The following KAT2B variants were observed in gnomAD, a reference collection of about 807,000 sequenced individuals.
The protein encoded by KAT2B is histone acetyltransferase KAT2B.
Under a neutral mutation model 105.9 loss-of-function variants are expected in KAT2B, and 36 were observed. The ratio of observed to expected loss-of-function variants is 0.34; its 90% CI spans 0.26 to 0.45. KAT2B has a LOEUF of 0.45. Ranked by LOEUF, KAT2B falls within the 20% of genes least tolerant of loss-of-function variation. The pLI is 1.00. For synonymous variants in KAT2B, 397 were observed against 377.9 expected, an observed-to-expected ratio of 1.05 and a Z score of -0.59; for missense variants, 820 against 1,021.6, an observed-to-expected ratio of 0.80 and a Z score of 2.69.
At chr3:20,146,843 C>T (rs1011002397) in intron 14 of KAT2B, among the ~76,000 whole-genome samples, 8 of 152,162 alleles carry the variant, frequency 5.3e-5, no homozygotes, top group South Asian at 2.1e-4. Flanking sequence ...TTCTGATGGC[C>T]GAACACCTTA....
chr3:20,082,719 G>A (rs910436572), intron 2 of KAT2B, among the ~76,000 whole-genome samples: 2 of 152,250 alleles, frequency 1.3e-5, no homozygotes, highest in South Asian at 4.1e-4. Context: ...AACTGCCAAC[G>A]TAGATATGGC....
rs376968297 is a variant in KAT2B at position 20,140,294 on chromosome 3, T to C, written c.1934T>C (p.Leu645Ser). The C allele has an allele frequency of 3.7e-6, 6 of 1,612,584 alleles. No homozygotes were observed. In the African/African-American group the frequency reaches 5.3e-5, roughly 14 times the overall value. The change falls in exon 13 of 18, where the codon TTA (leucine) becomes TCA (serine). Residue 645 changes from leucine (L) to serine (S), a missense_variant. Transcript: ENST00000263754. The part of the protein sequence containing the change: ...GYIKDYEGAT[L>S]MGCELNPRIP... ...ATCAAGGATTATGAAGGAGCCACTT[T>C]AATGGGATGTGAGCTAAATCCACGG...
At chr3:20,066,222 C>T (rs1355237899) in intron 1 of KAT2B, among the ~76,000 whole-genome samples, 3 of 152,066 alleles carry the variant, frequency 2.0e-5, no homozygotes, top group African/African-American at 7.2e-5. Flanking sequence ...TTCACTTGGC[C>T]TTCTTTACTG....
At chr3:20,117,020 TG>T (rs1699218475) in intron 7 of KAT2B, among the ~76,000 whole-genome samples, 1 of 152,164 alleles carries the variant, frequency 6.6e-6, no homozygotes, top group Non-Finnish European at 1.5e-5. Flanking sequence ...CCTCAGGCAG[TG>T]GGGGACCAAA....
intron 11 of KAT2B, among the ~76,000 whole-genome samples, chr3:20,130,729 CA>C (rs1469336903): frequency 6.6e-6 from 1 of 152,128 alleles, no homozygotes; most frequent in African/African-American, 2.4e-5. Context: ...GGTGGCCAAG[CA>C]TCACAAACTC....
chr3:20,112,279 C>T (rs1699135863), intron 6 of KAT2B, among the ~76,000 whole-genome samples: 1 of 151,568 alleles, frequency 6.6e-6, no homozygotes, highest in African/African-American at 2.4e-5. Context: ...ACTGCAAAAG[C>T]AGGGATGAAG....
chr3:20,082,353 C>A (rs1013728356), intron 2 of KAT2B, among the ~76,000 whole-genome samples: 4 of 152,082 alleles, frequency 2.6e-5, no homozygotes, highest in African/African-American at 7.2e-5. Flanking sequence ...CTCTTAATAA[C>A]CTCAGTTCAA....
At chr3:20,134,049 C>G (rs1699558178) in intron 11 of KAT2B, among the ~76,000 whole-genome samples, 1 of 151,834 alleles carries the variant, frequency 6.6e-6, no homozygotes, top group Non-Finnish European at 1.5e-5. Context: ...TGTCATTTGT[C>G]TTTTGTTTAT....
chr3:20,082,998 G>A (rs1393046881), intron 2 of KAT2B, among the ~76,000 whole-genome samples: 1 of 152,144 alleles, frequency 6.6e-6, no homozygotes, highest in African/African-American at 2.4e-5. Flanking sequence ...AAAACAGTAG[G>A]GGGTGCTTAT....
chr3:20,113,900 A>G (rs1188372450), intron 6 of KAT2B, among the ~76,000 whole-genome samples: 1 of 151,082 alleles, frequency 6.6e-6, no homozygotes, highest in Non-Finnish European at 1.5e-5. Context: ...TTGTGTATCT[A>G]TATTTCATTC....
At chr3:20,054,592 C>A (rs1018679280) in intron 1 of KAT2B, among the ~76,000 whole-genome samples, 1 of 152,168 alleles carries the variant, frequency 6.6e-6, no homozygotes, top group Non-Finnish European at 1.5e-5. Flanking sequence ...AGTCCCCATG[C>A]GTTGTGTACT....
At chr3:20,072,096 C>T (rs550193914) in intron 1 of KAT2B, among the ~76,000 whole-genome samples, 3 of 152,222 alleles carry the variant, frequency 2.0e-5, no homozygotes, top group Admixed American at 1.3e-4. Flanking sequence ...GGGTCAGCTG[C>T]GTGAGCTGTA....
At chr3:20,086,717 G>A (rs1343206879) in intron 2 of KAT2B, among the ~76,000 whole-genome samples, 2 of 152,152 alleles carry the variant, frequency 1.3e-5, no homozygotes, top group Non-Finnish European at 2.9e-5. Flanking sequence ...TGAAAGGTGG[G>A]TGGCCTCTAC....
intron 1 of KAT2B, among the ~76,000 whole-genome samples, chr3:20,070,337 G>A (rs139385649): frequency 8.0e-4 from 110 of 137,762 alleles, no homozygotes; most frequent in African/African-American, 2.9e-3. Flanking sequence ...ATGGAGTCTC[G>A]CTCTGTACCC....
chr3:20,126,227 G>A (rs1167454970), intron 10 of KAT2B, 114 bp downstream of exon 10: 1 of 828,808 alleles, frequency 1.2e-6, no homozygotes, highest in Non-Finnish European at 1.9e-6. Flanking sequence ...CACCTGTCTT[G>A]CTGTGGATAC....
At chr3:20,042,801 A>G (rs1697742633) in intron 1 of KAT2B, among the ~76,000 whole-genome samples, 1 of 152,174 alleles carries the variant, frequency 6.6e-6, no homozygotes, top group Non-Finnish European at 1.5e-5. Flanking sequence ...TGATCTTTTC[A>G]AATTTCCATG....
chr3:20,072,853 T>C (rs1239363144), intron 2 of KAT2B, among the ~76,000 whole-genome samples: 1 of 152,208 alleles, frequency 6.6e-6, no homozygotes, highest in African/African-American at 2.4e-5. Flanking sequence ...ATCATTTTTA[T>C]TATTTCTGTT....
intron 2 of KAT2B, among the ~76,000 whole-genome samples, chr3:20,074,573 T>C (rs987066991): frequency 4.6e-5 from 7 of 152,202 alleles, no homozygotes; most frequent in African/African-American, 1.7e-4. Flanking sequence ...TATAACACTA[T>C]CAGGGTTCTT....
Position 20,064,646 on chromosome 3 carries a change from C to T in KAT2B, c.304-7687C>T, listed in dbSNP as rs147679842. Among the ~76,000 whole-genome samples, 176 of 152,200 alleles carry T rather than the reference C, an allele frequency of 1.2e-3. 1 individual carries two copies. The Middle Eastern group carries it at 0.017, about 15-fold the overall frequency. The stretch of plus-strand genomic sequence containing the variant: ...GCATCTGCAGGGTAGAATGAGTAAC[C>T]CCAGGCAAGTCTCTTATCACCTAGA... On this transcript the variant is annotated intron_variant, in intron 1 of 17. Coordinates refer to ENST00000263754, the MANE Select transcript of KAT2B (RefSeq NM_003884.5).
Sources: allele counts gnomAD v4.1 joint callset (sites outside exome capture counted in the v4.1 genomes callset), GRCh38; gene constraint gnomAD v4.1.1; transcripts MANE v1.5; gene names NCBI Gene and HGNC (gene_info 2026-07-23, HGNC 2026-07-21).